The following ABHD13 variants were observed in gnomAD, a reference collection of about 807,000 sequenced individuals.
The protein encoded by ABHD13 is protein ABHD13.
In ABHD13, 7 loss-of-function variants were observed where a neutral mutation model predicts 25.2. That is an observed-to-expected ratio of 0.28 (90% CI 0.16 to 0.52). The LOEUF (loss-of-function observed/expected upper bound fraction) is 0.52. Ranked by LOEUF, ABHD13 falls within the 20% of genes least tolerant of loss-of-function variation. ABHD13 has a pLI of 0.96. For synonymous variants in ABHD13, 133 were observed against 136.1 expected (o/e 0.98, Z 0.16); for missense variants, 302 against 402.7 (o/e 0.75, Z 2.14).
At chr13:108,223,462 T>G (rs911307200) in intron 1 of ABHD13, among the ~76,000 whole-genome samples, 1 of 152,234 alleles carries the variant, frequency 6.6e-6, no homozygotes, top group Non-Finnish European at 1.5e-5. Flanking sequence ...ACACAATGTG[T>G]TAAAAAGATG....
Position 108,232,579 on chromosome 13 carries a change from A to G in ABHD13, c.*2347A>G, listed in dbSNP as rs528637379. On this transcript the variant is annotated 3_prime_UTR_variant, in exon 2 of 2. Coordinates refer to ENST00000375898, the MANE Select transcript of ABHD13 (RefSeq NM_032859.3). ...TTCAGGAGTCACTCCTTTACTGTGG[A>G]CCCATTGCTTAGTGGGAATGGAAGT... is the stretch of plus-strand genomic sequence containing the variant. 6.0e-6 allele frequency: 1 copy of G among 166,894 alleles called. No homozygotes were observed. Among genetic ancestry groups the G allele is most frequent in the South Asian group, 2.1e-4 (1 of 4,816 alleles). The allele number at this position is 166,894 out of a possible 1,614,324, so 10.3% of individuals were successfully genotyped here. A position where few individuals can be genotyped will look rare whatever the true frequency, so the allele number is the denominator to read the frequency against.
rs776956063 is a variant in ABHD13, at chr13:108,230,751, G to A, written c.*519G>A. On this transcript the variant is annotated 3_prime_UTR_variant, in exon 2 of 2. Transcript: ENST00000375898. Reference sequence around the variant, plus strand: ...TAAATAGCACTGGTCATATACTGATGTATATGGTTATCTGGGTTATATCTA... The same window carrying A: ...TAAATAGCACTGGTCATATACTGATATATATGGTTATCTGGGTTATATCTA... 3.6e-5 allele frequency: 6 copies of A among 166,752 alleles called. No homozygotes were observed. The Admixed American group carries it at 3.9e-4, about 11-fold the overall frequency. 10.3% of individuals were successfully genotyped at this position (166,752 alleles called of 1,614,324 possible). A position where few individuals can be genotyped will look rare whatever the true frequency, so the allele number is the denominator to read the frequency against.
At chr13:108,223,660 A>G (rs1289864971) in intron 1 of ABHD13, among the ~76,000 whole-genome samples, 2 of 152,236 alleles carry the variant, frequency 1.3e-5, no homozygotes, top group Admixed American at 6.5e-5. Flanking sequence ...CTTATGCATC[A>G]TTAGTGCAAG....
rs569133980 is a variant in ABHD13, at chr13:108,234,227, G to T, written c.*3995G>T. 2 of 166,466 alleles carry T rather than the reference G, an allele frequency of 1.2e-5. No individual in the cohort carries two copies. Among genetic ancestry groups the T allele is most frequent in the Non-Finnish European group, 1.5e-5 (1 of 67,878 alleles). 10.3% of individuals were successfully genotyped at this position (166,466 alleles called of 1,614,324 possible). On this transcript the variant is annotated 3_prime_UTR_variant, in exon 2 of 2. Coordinates refer to ENST00000375898, the MANE Select transcript of ABHD13 (RefSeq NM_032859.3). Reference sequence around the variant, plus strand: ...CTGTACTGACATATGCAATAAATTGGTACATTAAAAATTTGATTAATGTCT... The same window carrying T: ...CTGTACTGACATATGCAATAAATTGTTACATTAAAAATTTGATTAATGTCT...
At chr13:108,220,719 G>A (rs1179826714) in intron 1 of ABHD13, among the ~76,000 whole-genome samples, 1 of 152,158 alleles carries the variant, frequency 6.6e-6, no homozygotes, top group Non-Finnish European at 1.5e-5. Context: ...GGGACTACAT[G>A]CATTTATGAG....
chr13:108,227,258 C>T (rs988068416), intron 1 of ABHD13, among the ~76,000 whole-genome samples: 8 of 151,974 alleles, frequency 5.3e-5, no homozygotes, highest in Non-Finnish European at 1.2e-4. Context: ...ATGCCCACTG[C>T]TCAGAATACT....
chr13:108,231,368 C>G lies in ABHD13; in HGVS notation c.*1136C>G, dbSNP rs1237482658. On this transcript the variant is annotated 3_prime_UTR_variant, in exon 2 of 2. Coordinates refer to ENST00000375898, the MANE Select transcript of ABHD13 (RefSeq NM_032859.3). ...CAATCAAAAGACAGTTTTAGGAAGT[C>G]TTATTTATTGATTTTAAAAGTTTTA... 6.0e-6 allele frequency: 1 copy of G among 166,520 alleles called. No individual in the cohort carries two copies. Among genetic ancestry groups the G allele is most frequent in the Non-Finnish European group, 1.5e-5 (1 of 67,928 alleles). 10.3% of individuals were successfully genotyped at this position (166,520 alleles called of 1,614,324 possible).
At position 108,229,944 on chromosome 13, in the gene ABHD13, C is replaced by T. The variant is rs1160268806; in HGVS notation, c.726C>T (p.Cys242=). 4 of 1,613,096 alleles carry T rather than the reference C, an allele frequency of 2.5e-6. No homozygotes were observed. Among genetic ancestry groups the T allele is most frequent in the Non-Finnish European group, 3.4e-6 (4 of 1,179,458 alleles). The change falls in exon 2 of 2, where the codon TGC becomes TGT. Residue 242 remains cysteine, a synonymous_variant. Coordinates refer to ENST00000375898, the MANE Select transcript of ABHD13 (RefSeq NM_032859.3). This position sits in a 1 kb window ranked among gnomAD's most constrained non-coding sequence, Gnocchi z 4.7. ...CGATGCGTTACCTTCCTTTATGGTG[C>T]TACAAAAATAAATTTTTGTCCTACA... ...FFPMRYLPLW[C]YKNKFLSYRK...
chr13:108,229,368 C>T lies in ABHD13; in HGVS notation c.150C>T (p.Phe50=). 6.2e-7 allele frequency: 1 copy of T among 1,612,636 alleles called. No homozygotes were observed. Among genetic ancestry groups the T allele is most frequent in the East Asian group, 2.2e-5 (1 of 44,862 alleles). The change falls in exon 2 of 2, where the codon TTC becomes TTT. Residue 50 remains phenylalanine, a synonymous_variant. Coordinates refer to ENST00000375898, the MANE Select transcript of ABHD13 (RefSeq NM_032859.3). The surrounding 1 kb of genome is among the most constrained non-coding windows in gnomAD (Gnocchi z 4.7). ...YGGIILLLLI[F]ISIAGILYKF... ...GCATTATCTTACTTTTGTTAATATT[C>T]ATATCAATAGCAGGTATTCTGTATA...
At chr13:108,218,790 C>T (rs1879457351) in intron 1 of ABHD13, 131 bp downstream of exon 1, 2 of 151,490 alleles carry the variant, frequency 1.3e-5, no homozygotes, top group South Asian at 2.1e-4. Flanking sequence ...GGGGGGAGCC[C>T]CGGGGCTAGT....
Position 108,229,404 on chromosome 13 carries a change from T to G in ABHD13, c.186T>G (p.Asp62Glu). 1 of 1,612,592 alleles carries G rather than the reference T, an allele frequency of 6.2e-7. No homozygotes were observed. The highest frequency in any genetic ancestry group is 8.5e-7 in the Non-Finnish European group (1 of 1,179,200). Residue 62 changes from aspartate (D) to glutamate (E), a missense_variant, in exon 2 of 2, where the codon GAT becomes GAG. Physicochemically the swap from Asp to Glu is conservative, Grantham distance 45 (BLOSUM62 2). Transcript: ENST00000375898. This position sits in a 1 kb window ranked among gnomAD's most constrained non-coding sequence, Gnocchi z 4.7. ...SIAGILYKFQ[D>E]VLLYFPEQPS... ...CAGGTATTCTGTATAAATTCCAGGA[T>G]GTATTGCTTTATTTTCCAGAACAGC...
intron 1 of ABHD13, among the ~76,000 whole-genome samples, chr13:108,225,238 T>C (rs1285608034): frequency 6.6e-6 from 1 of 152,204 alleles, no homozygotes; most frequent in African/African-American, 2.4e-5. Context: ...TTGGATAAGT[T>C]TGAAATATCA....
chr13:108,230,764 TG>T lies in ABHD13; in HGVS notation c.*535del, dbSNP rs1879785915. On this transcript the variant is annotated 3_prime_UTR_variant, in exon 2 of 2. Transcript: ENST00000375898. ...TCATATACTGATGTATATGGTTATC[TG>T]GGTTATATCTATTTTTATGTAAACT... 1 of 166,798 alleles carries T rather than the reference TG, an allele frequency of 6.0e-6. No individual in the cohort carries two copies. The highest frequency in any genetic ancestry group is 1.5e-5 in the Non-Finnish European group (1 of 67,984). 10.3% of individuals were successfully genotyped at this position (166,798 alleles called of 1,614,324 possible).
rs963029668 is a variant in ABHD13, at chr13:108,232,997, G to A, written c.*2765G>A. Reference sequence around the variant, plus strand: ...AGGAAATCATGCAAAACATTTGAATGCAAAGCATTTCTAACAAAAAGTGAC... The same window carrying A: ...AGGAAATCATGCAAAACATTTGAATACAAAGCATTTCTAACAAAAAGTGAC... On this transcript the variant is annotated 3_prime_UTR_variant, in exon 2 of 2. Transcript: ENST00000375898. The A allele has an allele frequency of 1.8e-5, 3 of 166,852 alleles. No individual in the cohort carries two copies. The highest frequency in any genetic ancestry group is 6.6e-5 in the Admixed American group (1 of 15,242). The allele number at this position is 166,852 out of a possible 1,614,324, so 10.3% of individuals were successfully genotyped here. A position where few individuals can be genotyped will look rare whatever the true frequency, so the allele number is the denominator to read the frequency against.
Position 108,230,224 on chromosome 13 carries a change from A to G in ABHD13, c.1006A>G (p.Ile336Val), listed in dbSNP as rs565789480. The change falls in exon 2 of 2, where the codon ATT (isoleucine) becomes GTT (valine). Residue 336 changes from isoleucine (I) to valine (V), a missense_variant. Coordinates refer to ENST00000375898, the MANE Select transcript of ABHD13 (RefSeq NM_032859.3). ...GGCAAAAACTTCATCTAATGTAACAATTATATAATGTTTCCCTTTTTGATT... is the reference window on the plus strand; with the variant it reads ...GGCAAAAACTTCATCTAATGTAACAGTTATATAATGTTTCCCTTTTTGATT... ...EMAKTSSNVT[I>V]I 4.7e-5 allele frequency: 74 copies of G among 1,585,444 alleles called. 1 individual carries two copies. The South Asian group carries it at 7.9e-4, about 17-fold the overall frequency.
At chr13:108,228,429 T>G (rs1174598994) in intron 1 of ABHD13, among the ~76,000 whole-genome samples, 16 of 152,094 alleles carry the variant, frequency 1.1e-4, no homozygotes, top group Admixed American at 7.9e-4. Context: ...CTCATGACAC[T>G]AGCAATATGA....
chr13:108,227,359 T>C (rs12583055), intron 1 of ABHD13, among the ~76,000 whole-genome samples: 34,096 of 152,010 alleles, frequency 0.22, 4,020 homozygotes, highest in Admixed American at 0.28. Flanking sequence ...CTGTACTAGA[T>C]ATTAGAGATG....
intron 1 of ABHD13, among the ~76,000 whole-genome samples, chr13:108,221,201 G>C (rs75033740): frequency 6.6e-6 from 1 of 152,210 alleles, no homozygotes; most frequent in African/African-American, 2.4e-5. Context: ...CTGTTCATTT[G>C]TCCCATAGGA....
chr13:108,232,292 C>T lies in ABHD13; in HGVS notation c.*2060C>T, dbSNP rs927173466. 1.8e-5 allele frequency: 3 copies of T among 166,820 alleles called. No individual in the cohort carries two copies. Among genetic ancestry groups the T allele is most frequent in the Admixed American group, 1.3e-4 (2 of 15,226 alleles). 10.3% of individuals were successfully genotyped at this position (166,820 alleles called of 1,614,324 possible). A position where few individuals can be genotyped will look rare whatever the true frequency, so the allele number is the denominator to read the frequency against. On this transcript the variant is annotated 3_prime_UTR_variant, in exon 2 of 2. Coordinates refer to ENST00000375898, the MANE Select transcript of ABHD13 (RefSeq NM_032859.3). The stretch of plus-strand genomic sequence containing the variant: ...TATCTTTTAAAATTTTAAGCCAGGA[C>T]TTCAAAAATTGTAGAGTACTTGTTT...
Sources: gnomAD v4.1 joint callset for allele counts (sites outside exome capture counted in the v4.1 genomes callset) on GRCh38, gnomAD v4.1.1 for gene constraint, Gnocchi (gnomAD v3.1) non-coding constraint, MANE v1.5 for transcripts, NCBI Gene and HGNC (gene_info 2026-07-23, HGNC 2026-07-21) for gene names.